The following ENTPD7 variants were observed in gnomAD, a reference collection of about 807,000 sequenced individuals.
ENTPD7 encodes the protein NTPDase 7.
In ENTPD7, 53 loss-of-function variants were observed where a neutral mutation model predicts 77.9. The ratio of observed to expected loss-of-function variants is 0.68; its 90% confidence interval spans 0.55 to 0.85. The LOEUF is 0.85. ENTPD7 is among the 40% of genes least tolerant of loss of function. ENTPD7 has a pLI of 0.00. For synonymous variants in ENTPD7, 248 were observed against 274.9 expected (o/e 0.90, Z 0.97); for missense variants, 636 against 743.7 (o/e 0.86, Z 1.68).
chr10:99,669,087 A>G (rs918870456), intron 3 of ENTPD7, among the ~76,000 whole-genome samples: 7 of 149,922 alleles, frequency 4.7e-5, no homozygotes, highest in Admixed American at 2.7e-4. Context: ...TATGTTGCCA[A>G]GCGTAGTCAT....
chr10:99,701,477 C>T (rs180790409), intron 11 of ENTPD7, among the ~76,000 whole-genome samples: 1 of 151,394 alleles, frequency 6.6e-6, no homozygotes, highest in South Asian at 2.1e-4. Flanking sequence ...TTTGTAGAGA[C>T]GGGGTTTCGC....
rs566952671 is a variant in ENTPD7, at chr10:99,707,488, C to T, written c.*2805C>T. Among the ~76,000 whole-genome samples the T allele has an allele frequency of 6.6e-6, 1 of 152,326 alleles. No homozygotes were observed. Among genetic ancestry groups the T allele is most frequent in the African/African-American group, 2.4e-5 (1 of 41,586 alleles). ...GAGCAGAAATCTATCTTGCCATACCCTTTGGTTTTTAAAGATTTCTCTTCT... is the reference window on the plus strand; with the variant it reads ...GAGCAGAAATCTATCTTGCCATACCTTTTGGTTTTTAAAGATTTCTCTTCT... On this transcript the variant is annotated 3_prime_UTR_variant, in exon 13 of 13. Coordinates refer to ENST00000370489, the MANE Select transcript of ENTPD7 (RefSeq NM_020354.5).
Position 99,698,558 on chromosome 10 carries a change from G to A in ENTPD7, c.1035G>A (p.Leu345=). 6.2e-7 allele frequency: 1 copy of A among 1,614,098 alleles called. No individual in the cohort carries two copies. The highest frequency in any genetic ancestry group is 8.5e-7 in the Non-Finnish European group (1 of 1,180,016). Residue 345 remains leucine (L), a synonymous_variant, in exon 10 of 13, where the codon CTG becomes CTA. Transcript: ENST00000370489. ...KNRLLGQKTG[L]SPDNPFLDPC... ...GATTGCTTGGTCAGAAGACAGGTCTGAGTCCCGACAATCCATTTCTGGATC... is the reference window on the plus strand; with the variant it reads ...GATTGCTTGGTCAGAAGACAGGTCTAAGTCCCGACAATCCATTTCTGGATC...
At position 99,700,843 on chromosome 10, in the gene ENTPD7, A is replaced by G. The variant is rs752316137; in HGVS notation, c.1336-130A>G. On this transcript the variant is annotated intron_variant, in intron 10 of 12. Transcript: ENST00000370489. ...GACGCAGTGTTTAGTGAATGAACAC[A>G]CCATTTCTGTTTTCCTTTGTCAGCT... 6.6e-6 allele frequency: 5 copies of G among 759,936 alleles called. No homozygotes were observed. The African/African-American group carries it at 6.9e-5, about 11-fold the overall frequency. 47.1% of individuals were successfully genotyped at this position (759,936 alleles called of 1,614,324 possible).
chr10:99,692,567 C>T (rs1294654079), intron 8 of ENTPD7, among the ~76,000 whole-genome samples: 1 of 149,880 alleles, frequency 6.7e-6, no homozygotes, highest in East Asian at 2.0e-4. Context: ...GAGGGAAGGC[C>T]ACCTGCATGG....
intron 3 of ENTPD7, among the ~76,000 whole-genome samples, chr10:99,663,465 G>GTTTTTTTTTTT (rs796785991): frequency 3.0e-5 from 4 of 134,326 alleles, no homozygotes; most frequent in African/African-American, 2.7e-5. Context: ...GATTTTATTT[G>GTTTTTTTTTTT]TTTTTTTTTT....
Position 99,709,736 on chromosome 10 carries a change from GT to G in ENTPD7, c.*5054del. ...TCAAGCTTCATTTTAAGCCTGCTCTGTCTACTTATCTTCCTTATATCCTAAT... is the reference window on the plus strand; with the variant it reads ...TCAAGCTTCATTTTAAGCCTGCTCTGCTACTTATCTTCCTTATATCCTAAT... On this transcript the variant is annotated 3_prime_UTR_variant, in exon 13 of 13. Transcript: ENST00000370489. The G allele has an allele frequency of 2.0e-6, 2 of 985,274 alleles. No homozygotes were observed. Among genetic ancestry groups the G allele is most frequent in the Non-Finnish European group, 1.2e-6 (1 of 829,880 alleles). 61.0% of individuals were successfully genotyped at this position (985,274 alleles called of 1,614,324 possible).
chr10:99,666,736 G>A (rs1564626955), intron 3 of ENTPD7, among the ~76,000 whole-genome samples: 1 of 152,172 alleles, frequency 6.6e-6, no homozygotes, highest in Non-Finnish European at 1.5e-5. Context: ...ATTTACATTA[G>A]CCTACTGTTG....
chr10:99,691,242 T>C, intron 7 of ENTPD7, 143 bp from the exon 8 acceptor site: 1 of 813,758 alleles, frequency 1.2e-6, no homozygotes. Context: ...TCCTCCCACC[T>C]TGGCCTCCCA....
At chr10:99,696,313 T>C (rs1050158777) in intron 9 of ENTPD7, among the ~76,000 whole-genome samples, 191 bp downstream of exon 9, 1 of 152,212 alleles carries the variant, frequency 6.6e-6, no homozygotes, top group Admixed American at 6.5e-5. Flanking sequence ...TGCATTCTGA[T>C]CTTTGTTATT....
rs1019375651 is a variant in ENTPD7, at chr10:99,708,546, T to C, written c.*3863T>C. ...ATCAAACAAAGAGGCTAGACAAGATTAGAAACTAAAGGCAGAAGACAAGGT... is the reference window on the plus strand; with the variant it reads ...ATCAAACAAAGAGGCTAGACAAGATCAGAAACTAAAGGCAGAAGACAAGGT... On this transcript the variant is annotated 3_prime_UTR_variant, in exon 13 of 13. Coordinates refer to ENST00000370489, the MANE Select transcript of ENTPD7 (RefSeq NM_020354.5). Among the ~76,000 whole-genome samples, 1 of 152,154 alleles carries C rather than the reference T, an allele frequency of 6.6e-6. No homozygotes were observed. The highest frequency in any genetic ancestry group is 1.9e-4 in the East Asian group (1 of 5,194).
In ENTPD7 at chr10:99,660,351, G is replaced by A. The variant is rs72830201; in HGVS notation, c.8+387G>A. The A allele has an allele frequency of 5.0e-3, 5,829 of 1,162,658 alleles. 9 individuals carry two copies. Among genetic ancestry groups the A allele is most frequent in the Non-Finnish European group, 5.7e-3 (5,313 of 929,482 alleles). 72.0% of individuals were successfully genotyped at this position (1,162,658 alleles called of 1,614,324 possible). A position where few individuals can be genotyped will look rare whatever the true frequency, so the allele number is the denominator to read the frequency against. On this transcript the variant is annotated intron_variant, in intron 2 of 12. Coordinates refer to ENST00000370489, the MANE Select transcript of ENTPD7 (RefSeq NM_020354.5). Reference sequence around the variant, plus strand: ...GTCCTTTTGAATCAATATACAAAGTGAACTTCACAGATGAATACACTTATC... The same window carrying A: ...GTCCTTTTGAATCAATATACAAAGTAAACTTCACAGATGAATACACTTATC...
Position 99,661,829 on chromosome 10 carries a change from T to A in ENTPD7, c.191+201T>A, listed in dbSNP as rs189810472. The stretch of plus-strand genomic sequence containing the variant: ...GAATACTGATACTGCATGAAAGGCA[T>A]CTTTGTGTTTTCTTGTTTTGGTGGG... On this transcript the variant is annotated intron_variant, in intron 3 of 12. Transcript: ENST00000370489. Among the ~76,000 whole-genome samples the A allele has an allele frequency of 9.2e-3, 1,398 of 152,302 alleles. 24 individuals carry two copies. The highest frequency in any genetic ancestry group is 0.031 in the African/African-American group (1,272 of 41,552).
In ENTPD7 at chr10:99,698,201, C is replaced by T. The variant is rs575788911; in HGVS notation, c.1011-333C>T. Among the ~76,000 whole-genome samples, 8 of 152,290 alleles carry T rather than the reference C, an allele frequency of 5.3e-5. No individual in the cohort carries two copies. The East Asian group carries it at 1.5e-3, about 29-fold the overall frequency. On this transcript the variant is annotated intron_variant, in intron 9 of 12. Transcript: ENST00000370489. ...TTTTAAACATTAGAACCACACTCCG[C>T]ACGATAAGGTCCTTGCACTTTTAGG...
At chr10:99,689,480 A>G (rs976691578) in intron 7 of ENTPD7, among the ~76,000 whole-genome samples, 46 of 152,200 alleles carry the variant, frequency 3.0e-4, no homozygotes, top group African/African-American at 1.1e-3. Context: ...TGGGGTTAAC[A>G]TGTTTTCTTT....
rs1230333094 is a variant in ENTPD7 at position 99,706,451 on chromosome 10, T to C, written c.*1768T>C. ...CCTGGGCTCAAACAGTCCTCCCAACTCAGACTCCAGAGTAGCTGGGACTAC... is the reference window on the plus strand; with the variant it reads ...CCTGGGCTCAAACAGTCCTCCCAACCCAGACTCCAGAGTAGCTGGGACTAC... On this transcript the variant is annotated 3_prime_UTR_variant, in exon 13 of 13. Coordinates refer to ENST00000370489, the MANE Select transcript of ENTPD7 (RefSeq NM_020354.5). Among the ~76,000 whole-genome samples the C allele has an allele frequency of 6.6e-6, 1 of 151,682 alleles. No homozygotes were observed. The highest frequency in any genetic ancestry group is 2.4e-5 in the African/African-American group (1 of 41,290).
At chr10:99,696,992 A>C (rs207471306) in intron 9 of ENTPD7, among the ~76,000 whole-genome samples, 1 of 152,210 alleles carries the variant, frequency 6.6e-6, no homozygotes, top group African/African-American at 2.4e-5. Flanking sequence ...TAAGCAAACA[A>C]CACACTTACC....
intron 5 of ENTPD7, 115 bp downstream of exon 5, chr10:99,679,990 A>G: frequency 1.6e-6 from 2 of 1,229,502 alleles, no homozygotes; most frequent in Non-Finnish European, 1.1e-6. Flanking sequence ...CAATTATGAC[A>G]CAATCATTCA....
At chr10:99,696,200 C>A in intron 9 of ENTPD7, 78 bp downstream of exon 9, 1 of 1,518,748 alleles carries the variant, frequency 6.6e-7, no homozygotes, top group Non-Finnish European at 8.9e-7. Flanking sequence ...TCACATCCTC[C>A]TAAGACAGAT....
Sources: gnomAD v4.1 joint callset for allele counts (sites outside exome capture counted in the v4.1 genomes callset) on GRCh38, gnomAD v4.1.1 for gene constraint, MANE v1.5 for transcripts, NCBI Gene and HGNC (gene_info 2026-07-23, HGNC 2026-07-21) for gene names.